CASZ1: variants seen among roughly 807,000 people sequenced by gnomAD.
The protein encoded by CASZ1 is zinc finger protein castor homolog 1.
CASZ1 carries 28 observed loss-of-function variants against 135.2 expected under a neutral mutation model. That is an observed-to-expected ratio of 0.21 (90% CI 0.15 to 0.28). The LOEUF (loss-of-function observed/expected upper bound fraction) is 0.28, where lower values mean the gene tolerates loss of function less well. Ranked by LOEUF, CASZ1 falls within the 10% of genes least tolerant of loss-of-function variation. The pLI is 1.00. For synonymous variants in CASZ1, 1,068 were observed against 1,073.4 expected (o/e 0.99, Z 0.10); for missense variants, 2,161 against 2,453.3 (o/e 0.88, Z 2.52).
chr1:10,698,283 G>C (rs762627613), intron 3 of CASZ1, among the ~76,000 whole-genome samples: 9 of 152,206 alleles, frequency 5.9e-5, no homozygotes, highest in Non-Finnish European at 1.0e-4. Flanking sequence ...GAAAATTATA[G>C]GAAAATTATA....
At chr1:10,773,085 C>T (rs910829592) in intron 1 of CASZ1, among the ~76,000 whole-genome samples, 2 of 151,788 alleles carry the variant, frequency 1.3e-5, no homozygotes, top group African/African-American at 4.8e-5. Flanking sequence ...CCCGTGTCAT[C>T]GAGCACCGGT....
In CASZ1 at chr1:10,639,859, T is replaced by C; in HGVS notation, c.4363A>G (p.Thr1455Ala). Reference sequence around the variant, plus strand: ...TTCTCGCGCGTGCAGTGGTAGTGGGTGACCTTGAGCGAGAACTGACAAGCT... The same window carrying C: ...TTCTCGCGCGTGCAGTGGTAGTGGGCGACCTTGAGCGAGAACTGACAAGCT... The part of the protein sequence containing the change: ...DAACQFSLKV[T>A]HYHCTRENCG... The change falls in exon 21 of 21, where the codon ACC becomes GCC. Residue 1455 changes from threonine to alanine, a missense_variant. By Grantham distance (58) the Thr-to-Ala change is moderately conservative (BLOSUM62 0). This residue lies in a region of CASZ1 where 240 missense variants were observed against 321.4 expected (regional missense o/e 0.75). Transcript: ENST00000377022. The surrounding 1 kb of genome is among the most constrained non-coding windows in gnomAD (Gnocchi z 4.0). The C allele has an allele frequency of 1.9e-6, 3 of 1,612,188 alleles. No homozygotes were observed. The highest frequency in any genetic ancestry group is 2.5e-6 in the Non-Finnish European group (3 of 1,179,642).
Position 10,720,854 on chromosome 1 carries a change from A to G in CASZ1, c.-76-15310T>C, listed in dbSNP as rs966749570. Among the ~76,000 whole-genome samples the G allele has an allele frequency of 6.6e-6, 1 of 152,126 alleles. No individual in the cohort carries two copies. Among genetic ancestry groups the G allele is most frequent in the Non-Finnish European group, 1.5e-5 (1 of 68,004 alleles). ...TAGGGCTGGCCAAGGGACCAAGGGGAGAGGCAGGCATGGGTGCCGCGTGGG... is the reference window on the plus strand; with the variant it reads ...TAGGGCTGGCCAAGGGACCAAGGGGGGAGGCAGGCATGGGTGCCGCGTGGG... On this transcript the variant is annotated intron_variant, in intron 2 of 20. Coordinates refer to ENST00000377022, the MANE Select transcript of CASZ1 (RefSeq NM_001079843.3). This position sits in a 1 kb window ranked among gnomAD's most constrained non-coding sequence, Gnocchi z 5.7.
At chr1:10,715,069 G>A (rs1639353393) in intron 2 of CASZ1, among the ~76,000 whole-genome samples, 1 of 152,170 alleles carries the variant, frequency 6.6e-6, no homozygotes, top group African/African-American at 2.4e-5. Context: ...CCTTTCCTCG[G>A]CTCCAGGGAC....
intron 5 of CASZ1, 84 bp downstream of exon 5, chr1:10,664,999 G>A (rs1643180701): frequency 1.2e-5 from 17 of 1,386,168 alleles, no homozygotes; most frequent in Non-Finnish European, 1.6e-5. Flanking sequence ...TGAGGAGTCG[G>A]GTGTGCTTAC....
rs1557554335 is a variant in CASZ1 at position 10,756,800 on chromosome 1, G to A, written c.-77+3901C>T. On this transcript the variant is annotated intron_variant, in intron 2 of 20. Coordinates refer to ENST00000377022, the MANE Select transcript of CASZ1 (RefSeq NM_001079843.3). This position sits in a 1 kb window ranked among gnomAD's most constrained non-coding sequence, Gnocchi z 5.9. ...GAGCTGACCCCATGGAAATATGGGG[G>A]CTTCAGACAAACCCATCTGCCAGCC... Among the ~76,000 whole-genome samples the A allele has an allele frequency of 6.6e-6, 1 of 152,146 alleles. No individual in the cohort carries two copies. The highest frequency in any genetic ancestry group is 1.5e-5 in the Non-Finnish European group (1 of 68,024).
At chr1:10,775,195 T>C (rs1328890594) in intron 1 of CASZ1, among the ~76,000 whole-genome samples, 1 of 152,128 alleles carries the variant, frequency 6.6e-6, no homozygotes, top group African/African-American at 2.4e-5. Context: ...CTTTGGGCCA[T>C]TGCTGCCGAT....
In CASZ1 at chr1:10,755,989, C is replaced by T. The variant is rs970524489; in HGVS notation, c.-77+4712G>A. On this transcript the variant is annotated intron_variant, in intron 2 of 20. Transcript: ENST00000377022. The surrounding 1 kb of genome is among the most constrained non-coding windows in gnomAD (Gnocchi z 4.3). ...ACGGATCTAGTGCAGACCATAGAGG[C>T]GGAAAGCAGAAAAACCTCCCACGCG... Among the ~76,000 whole-genome samples the T allele has an allele frequency of 6.6e-6, 1 of 152,048 alleles. No homozygotes were observed. Among genetic ancestry groups the T allele is most frequent in the Non-Finnish European group, 1.5e-5 (1 of 68,000 alleles).
At chr1:10,664,565 A>G (rs1432897428) in intron 5 of CASZ1, among the ~76,000 whole-genome samples, 2 of 151,940 alleles carry the variant, frequency 1.3e-5, no homozygotes, top group Admixed American at 6.5e-5. Flanking sequence ...GTAGGGAAGG[A>G]AGAGGAGGCC....
chr1:10,653,672 C>A lies in CASZ1; in HGVS notation c.2385G>T (p.Leu795=). The part of the protein sequence containing the change: ...PLALALSNSG[L]PTPTPYFPIL... ...TGGGGAAGTAGGGCGTGGGGGTGGG[C>A]AGGCCCGAGTTGGAGAGGGCCAGGG... The change falls in exon 11 of 21, where the codon CTG becomes CTT. Residue 795 remains leucine (L), a synonymous_variant. Transcript: ENST00000377022. The A allele has an allele frequency of 1.3e-6, 2 of 1,558,914 alleles. No homozygotes were observed. Among genetic ancestry groups the A allele is most frequent in the Non-Finnish European group, 1.7e-6 (2 of 1,152,910 alleles).
chr1:10,673,119 C>T (rs1384877422), intron 4 of CASZ1, among the ~76,000 whole-genome samples: 1 of 151,494 alleles, frequency 6.6e-6, no homozygotes, highest in African/African-American at 2.4e-5. Flanking sequence ...TGCGGAGGGG[C>T]TGGAAAAGGG....
chr1:10,761,348 G>T (rs1391439877), intron 1 of CASZ1, among the ~76,000 whole-genome samples: 2 of 152,220 alleles, frequency 1.3e-5, no homozygotes, highest in African/African-American at 4.8e-5. Flanking sequence ...CCCCTGGGTG[G>T]CCTTCTGGGA....
chr1:10,708,552 C>A (rs527750347), intron 2 of CASZ1, among the ~76,000 whole-genome samples: 1 of 152,208 alleles, frequency 6.6e-6, no homozygotes, highest in African/African-American at 2.4e-5. Flanking sequence ...GGCTGCTGCA[C>A]CTGCCCAGGT....
chr1:10,761,397 C>T (rs983599897), intron 1 of CASZ1, among the ~76,000 whole-genome samples: 1 of 152,208 alleles, frequency 6.6e-6, no homozygotes, highest in African/African-American at 2.4e-5. Flanking sequence ...TCTGCAGCGA[C>T]CCAGGATAGT....
At chr1:10,713,670 A>C (rs1413126810) in intron 2 of CASZ1, among the ~76,000 whole-genome samples, 1 of 152,202 alleles carries the variant, frequency 6.6e-6, no homozygotes, top group African/African-American at 2.4e-5. Context: ...GGGAGCTCTT[A>C]CAGAGAGACA....
Position 10,694,051 on chromosome 1 carries a change from G to A in CASZ1, c.-23-139C>T, listed in dbSNP as rs528290938. 548 of 720,114 alleles carry A rather than the reference G, an allele frequency of 7.6e-4. No individual in the cohort carries two copies. The highest frequency in any genetic ancestry group is 1.1e-3 in the Non-Finnish European group (507 of 470,808). The allele number at this position is 720,114 out of a possible 1,614,324, so 44.6% of individuals were successfully genotyped here. ...CCGGGCGGGCGCCGAGGCCGCGGCG[G>A]AGAAACTTTCTCCTCCGCGCCGCCC... On this transcript the variant is annotated intron_variant, in intron 3 of 20. Coordinates refer to ENST00000377022, the MANE Select transcript of CASZ1 (RefSeq NM_001079843.3). The surrounding 1 kb of genome is among the most constrained non-coding windows in gnomAD (Gnocchi z 6.6).
chr1:10,754,523 C>T (rs981703006), intron 2 of CASZ1, among the ~76,000 whole-genome samples: 3 of 152,214 alleles, frequency 2.0e-5, no homozygotes, highest in African/African-American at 4.8e-5. Flanking sequence ...CAGTTCCTCT[C>T]CCCTGACCCT....
At chr1:10,749,430 G>A (rs566754544) in intron 2 of CASZ1, among the ~76,000 whole-genome samples, 11 of 152,236 alleles carry the variant, frequency 7.2e-5, no homozygotes, top group African/African-American at 2.4e-4. Flanking sequence ...TGTGTTTTTA[G>A]TAGAGATGGG....
chr1:10,734,259 C>T (rs1276640837), intron 2 of CASZ1, among the ~76,000 whole-genome samples: 2 of 148,012 alleles, frequency 1.4e-5, no homozygotes, highest in Non-Finnish European at 3.0e-5. Flanking sequence ...CTCCAAGTCA[C>T]CTGCCTGGGA....
Sources: gnomAD v4.1 joint callset for allele counts (sites outside exome capture counted in the v4.1 genomes callset) on GRCh38, gnomAD v4.1.1 for gene constraint, gnomAD v4.1.1 regional missense constraint, Gnocchi (gnomAD v3.1) non-coding constraint, MANE v1.5 for transcripts, NCBI Gene and HGNC (gene_info 2026-07-23, HGNC 2026-07-21) for gene names.